The following PAPOLA variants were observed in gnomAD, a reference collection of about 807,000 sequenced individuals.
PAPOLA encodes polynucleotide adenylyltransferase alpha.
A neutral mutation model predicts 100.6 loss-of-function variants in PAPOLA; 15 were observed. The ratio of observed to expected loss-of-function variants is 0.15; its 90% CI spans 0.10 to 0.23. The LOEUF (loss-of-function observed/expected upper bound fraction) is 0.23, where lower values mean the gene tolerates loss of function less well. PAPOLA is among the 10% of genes least tolerant of loss of function. The probability of loss-of-function intolerance (pLI) is 1.00; values close to 1 mark genes in which losing one functional copy is unlikely to be tolerated. For missense variants in PAPOLA, 533 were observed against 884.2 expected (o/e 0.60, Z 5.04); for synonymous variants, 293 against 300.0 (o/e 0.98, Z 0.24).
At position 96,535,982 on chromosome 14, in the gene PAPOLA, T is replaced by G. The variant is rs1899489522; in HGVS notation, c.1013T>G (p.Val338Gly). 6.2e-7 allele frequency: 1 copy of G among 1,602,618 alleles called. No individual in the cohort carries two copies. Among genetic ancestry groups the G allele is most frequent in the African/African-American group, 1.3e-5 (1 of 74,598 alleles). The change falls in exon 11 of 22, where the codon GTT becomes GGT. Residue 338 changes from valine (V) to glycine (G), a missense_variant. Physicochemically the swap from Val to Gly is moderately radical, Grantham distance 109. Coordinates refer to ENST00000216277, the MANE Select transcript of PAPOLA (RefSeq NM_032632.5). The part of the protein sequence containing the change: ...NVSVSTRMVM[V>G]EEFKQGLAIT... ...TCCGTTTCAACACGGATGGTCATGG[T>G]TGAGGAGTTTAAACAAGGTAAGTGT...
chr14:96,557,432 C>T (rs1014599643), intron 19 of PAPOLA, among the ~76,000 whole-genome samples: 3 of 152,232 alleles, frequency 2.0e-5, no homozygotes, highest in South Asian at 2.1e-4. Context: ...ACATTGATTT[C>T]GTATGAGTCT....
chr14:96,532,706 T>A, intron 9 of PAPOLA, 57 bp downstream of exon 9: 1 of 1,496,674 alleles, frequency 6.7e-7, no homozygotes, highest in Non-Finnish European at 8.9e-7. Flanking sequence ...AGTTTAGTCT[T>A]ATTTCTATGA....
chr14:96,564,674 C>T (rs1401788524), intron 21 of PAPOLA, among the ~76,000 whole-genome samples: 1 of 151,880 alleles, frequency 6.6e-6, no homozygotes, highest in African/African-American at 2.4e-5. Context: ...ATAGGTGATT[C>T]TTAGAGGAAC....
At chr14:96,555,786 ATTTT>A in intron 17 of PAPOLA, 57 bp from the exon 18 acceptor site, 2 of 799,990 alleles carry the variant, frequency 2.5e-6, no homozygotes, top group Non-Finnish European at 3.9e-6. Context: ...GATTATTGTA[ATTTT>A]TTTTTTATTT....
chr14:96,519,720 G>A (rs190909438), intron 1 of PAPOLA, among the ~76,000 whole-genome samples: 1 of 152,264 alleles, frequency 6.6e-6, no homozygotes, highest in East Asian at 1.9e-4. Flanking sequence ...TTTCTGTAGC[G>A]TGTTTATCAA....
intron 7 of PAPOLA, 96 bp from the exon 8 acceptor site, chr14:96,532,235 C>T: frequency 3.5e-6 from 5 of 1,430,926 alleles, no homozygotes; most frequent in Admixed American, 3.1e-5. Flanking sequence ...GAAGCATTAC[C>T]ATTAAACTTT....
At position 96,565,598 on chromosome 14, in the gene PAPOLA, G is replaced by T. The variant is rs545093490; in HGVS notation, c.*548G>T. ...GTACATCTAGTTCAGTTCCTATGAG[G>T]TAGCTGTAACCCTTAAAAATGAAAC... On this transcript the variant is annotated 3_prime_UTR_variant, in exon 22 of 22. Coordinates refer to ENST00000216277, the MANE Select transcript of PAPOLA (RefSeq NM_032632.5). 1.5e-3 allele frequency: 591 copies of T among 395,444 alleles called. No homozygotes were observed. Among genetic ancestry groups the T allele is most frequent in the Non-Finnish European group, 2.3e-3 (522 of 224,126 alleles). 24.5% of individuals were successfully genotyped at this position (395,444 alleles called of 1,614,324 possible). A position where few individuals can be genotyped will look rare whatever the true frequency, so the allele number is the denominator to read the frequency against.
At chr14:96,562,937 A>G in intron 21 of PAPOLA, 44 bp downstream of exon 21, 1 of 1,123,314 alleles carries the variant, frequency 8.9e-7, no homozygotes, top group Non-Finnish European at 1.4e-6. Context: ...AATGTCCTTA[A>G]GATTAGTGTG....
intron 4 of PAPOLA, among the ~76,000 whole-genome samples, chr14:96,525,673 C>A (rs577412682): frequency 3.4e-4 from 51 of 152,174 alleles, no homozygotes; most frequent in African/African-American, 1.1e-3. Flanking sequence ...ATTGCTTGAG[C>A]CCAGGGAGGT....
chr14:96,539,014 G>C (rs912054328), intron 12 of PAPOLA, among the ~76,000 whole-genome samples: 4 of 152,168 alleles, frequency 2.6e-5, no homozygotes, highest in Admixed American at 2.0e-4. Flanking sequence ...CTTCCAGAAA[G>C]ACTTATCAGT....
At chr14:96,511,460 G>A (rs1463892113) in intron 1 of PAPOLA, among the ~76,000 whole-genome samples, 2 of 152,114 alleles carry the variant, frequency 1.3e-5, no homozygotes, top group African/African-American at 4.8e-5. Context: ...AAACACCAAT[G>A]GAAATATGAT....
intron 15 of PAPOLA, among the ~76,000 whole-genome samples, chr14:96,544,928 G>T (rs1900267690): frequency 6.6e-6 from 1 of 152,068 alleles, no homozygotes; most frequent in South Asian, 2.1e-4. Flanking sequence ...AAGATGAAAG[G>T]TAGTTCATTT....
Position 96,525,290 on chromosome 14 carries a change from A to C in PAPOLA, c.250-20A>C. On this transcript the variant is annotated intron_variant, in intron 3 of 21. Transcript: ENST00000216277. ...TCCCTTGTGCTCCACTGGCAAAATA[A>C]CCATTTTTTGTTTCAACAGAATCTT... 1 of 1,213,056 alleles carries C rather than the reference A, an allele frequency of 8.2e-7. No homozygotes were observed. The highest frequency in any genetic ancestry group is 2.3e-5 in the East Asian group (1 of 42,726). 75.1% of individuals were successfully genotyped at this position (1,213,056 alleles called of 1,614,324 possible). A position where few individuals can be genotyped will look rare whatever the true frequency, so the allele number is the denominator to read the frequency against.
chr14:96,538,510 T>C (rs1215670084), intron 12 of PAPOLA, among the ~76,000 whole-genome samples: 4 of 152,058 alleles, frequency 2.6e-5, no homozygotes, highest in South Asian at 4.1e-4. Flanking sequence ...TTAAAAGATA[T>C]ATTACTAATC....
chr14:96,507,758 G>A (rs1167563630), intron 1 of PAPOLA, among the ~76,000 whole-genome samples: 1 of 152,156 alleles, frequency 6.6e-6, no homozygotes, highest in Admixed American at 6.5e-5. Context: ...TCGTAAAGGG[G>A]TCCTGAGACC....
chr14:96,524,399 A>C (rs1025503003), intron 3 of PAPOLA, among the ~76,000 whole-genome samples: 3 of 152,326 alleles, frequency 2.0e-5, no homozygotes, highest in Non-Finnish European at 4.4e-5. Flanking sequence ...AAATTACTTC[A>C]CTAAAGCCTT....
At chr14:96,520,269 A>C (rs1161623692) in intron 2 of PAPOLA, 41 bp downstream of exon 2, 1 of 1,500,604 alleles carries the variant, frequency 6.7e-7, no homozygotes, top group Non-Finnish European at 9.1e-7. Flanking sequence ...GGAAACTTTT[A>C]TTAATGTTGA....
chr14:96,554,610 A>AAG (rs898412749), intron 17 of PAPOLA, among the ~76,000 whole-genome samples: 1 of 151,804 alleles, frequency 6.6e-6, no homozygotes, highest in African/African-American at 2.4e-5. Context: ...GAGAGAGAGA[A>AAG]AGAGAGACAG....
chr14:96,535,761 C>G, intron 10 of PAPOLA, 118 bp from the exon 11 acceptor site: 1 of 973,352 alleles, frequency 1.0e-6, no homozygotes, highest in Non-Finnish European at 1.4e-6. Context: ...TCTTTCTCAA[C>G]TCCAGCTATG....
Sources: gnomAD v4.1 joint callset for allele counts (sites outside exome capture counted in the v4.1 genomes callset) on GRCh38, gnomAD v4.1.1 for gene constraint, MANE v1.5 for transcripts, NCBI Gene and HGNC (gene_info 2026-07-23, HGNC 2026-07-21) for gene names.